Variants in TMEM165 observed in about 807,000 individuals in gnomAD.
TMEM165 encodes transmembrane protein 165.
In TMEM165, 19 loss-of-function variants were observed where a neutral mutation model predicts 30.0. The ratio of observed to expected loss-of-function variants is 0.63; its 90% CI spans 0.44 to 0.93. The LOEUF (loss-of-function observed/expected upper bound fraction) is 0.93, where lower values mean the gene tolerates loss of function less well. Among genes scored for constraint, TMEM165 ranks in the 40% least tolerant of loss-of-function variants. The pLI is 0.00. For synonymous variants in TMEM165, 168 were observed against 162.9 expected, an observed-to-expected ratio of 1.03 and a Z score of -0.24; for missense variants, 340 against 417.0, an observed-to-expected ratio of 0.82 and a Z score of 1.61.
intron 1 of TMEM165, chr4:55,403,342 T>A (rs1452563389): frequency 2.4e-6 from 3 of 1,257,844 alleles, no homozygotes; most frequent in Admixed American, 2.4e-5. Context: ...GATGCAGGTA[T>A]CTGTATCAAT....
intron 3 of TMEM165, among the ~76,000 whole-genome samples, chr4:55,445,471 G>A (rs1033652168): frequency 6.6e-6 from 1 of 152,006 alleles, no homozygotes; most frequent in African/African-American, 2.4e-5. Flanking sequence ...TGGCATGGGG[G>A]AAGAGGAGGT....
intron 3 of TMEM165, among the ~76,000 whole-genome samples, chr4:55,447,051 T>G: frequency 6.6e-6 from 1 of 152,254 alleles, no homozygotes; most frequent in East Asian, 1.9e-4. Context: ...TTTTTTTGTT[T>G]TTTTTTAAAT....
At chr4:55,442,779 A>G in intron 3 of TMEM165, 1 of 757,032 alleles carries the variant, frequency 1.3e-6, no homozygotes, top group Non-Finnish European at 2.2e-6. Context: ...ATATAACCAC[A>G]AAGGAATGAC....
chr4:55,430,879 T>G (rs1056390357), downstream of TMEM165: 1 of 152,186 alleles, frequency 6.6e-6, no homozygotes, highest in Non-Finnish European at 1.5e-5. Context: ...TAAATCAAAC[T>G]AGGCATCTAC....
intron 1 of TMEM165, among the ~76,000 whole-genome samples, chr4:55,403,496 T>C (rs1560388040): frequency 1.4e-5 from 2 of 144,940 alleles, no homozygotes; most frequent in African/African-American, 5.2e-5. Context: ...CTTTTTCTTT[T>C]TCTTTTTTTT....
intron 2 of TMEM165, 136 bp downstream of exon 2, chr4:55,411,975 C>G (rs1721521355): frequency 2.9e-6 from 2 of 700,140 alleles, no homozygotes; most frequent in African/African-American, 3.6e-5. Flanking sequence ...CAACCTTTTC[C>G]TTGTGTATCC....
intron 3 of TMEM165, chr4:55,435,206 CCCTATGATCA>C: frequency 1.7e-6 from 1 of 598,460 alleles, no homozygotes; most frequent in East Asian, 2.9e-5. Context: ...CTGGCTATGC[CCCTATGATCA>C]CCTCCTGCTG....
In TMEM165 at chr4:55,410,602, G is replaced by A. The variant is rs144360489; in HGVS notation, c.208-1012G>A. On this transcript the variant is annotated intron_variant, in intron 1 of 5. Coordinates refer to ENST00000381334, the MANE Select transcript of TMEM165 (RefSeq NM_018475.5). The stretch of plus-strand genomic sequence containing the variant: ...TTCTAAGATATTTTTAGACTTCAGC[G>A]TAGGACGATCTGTGTTAACAGCTGT... Among the ~76,000 whole-genome samples the A allele has an allele frequency of 2.8e-3, 431 of 152,252 alleles. 2 individuals are homozygous for A. Among genetic ancestry groups the A allele is most frequent in the African/African-American group, 0.01 (421 of 41,554 alleles).
chr4:55,412,158 G>T, intron 2 of TMEM165: 1 of 369,948 alleles, frequency 2.7e-6, no homozygotes, highest in African/African-American at 2.1e-5. Context: ...ACTTTGGGAG[G>T]CCGAAGTGGA....
chr4:55,439,530 A>G (rs900480361), intron 3 of TMEM165, among the ~76,000 whole-genome samples: 1 of 152,182 alleles, frequency 6.6e-6, no homozygotes, highest in African/African-American at 2.4e-5. Flanking sequence ...CCCCAAAATG[A>G]AAGCAGGGAC....
intron 3 of TMEM165, among the ~76,000 whole-genome samples, chr4:55,440,042 A>C (rs779969674): frequency 6.6e-6 from 1 of 152,118 alleles, no homozygotes; most frequent in East Asian, 1.9e-4. Flanking sequence ...ATAAAAAAAA[A>C]CCTTTTTCTT....
exon 4 of TMEM165, chr4:55,452,833 G>A (rs559392038): frequency 1.0e-4 from 43 of 424,530 alleles, no homozygotes; most frequent in Admixed American, 1.5e-4. Flanking sequence ...GGAATAAATG[G>A]TAGTTTTGAG....
At chr4:55,436,004 A>G (rs1722850196) in intron 3 of TMEM165, among the ~76,000 whole-genome samples, 1 of 152,214 alleles carries the variant, frequency 6.6e-6, no homozygotes, top group Admixed American at 6.5e-5. Context: ...TCAGCTGGTT[A>G]GAGCGGCACA....
At chr4:55,433,775 C>T (rs1722674140) in intron 3 of TMEM165, 1 of 152,084 alleles carries the variant, frequency 6.6e-6, no homozygotes, top group Non-Finnish European at 1.5e-5. Flanking sequence ...GAATTTATTA[C>T]TTTTAGAATA....
chr4:55,448,911 C>T (rs1314551491), intron 3 of TMEM165: 4 of 1,377,222 alleles, frequency 2.9e-6, no homozygotes, highest in East Asian at 2.3e-5. Context: ...TTCTCATTCC[C>T]ATACATGAGT....
At chr4:55,414,911 A>G (rs1298641525) in intron 2 of TMEM165, among the ~76,000 whole-genome samples, 1 of 152,138 alleles carries the variant, frequency 6.6e-6, no homozygotes, top group African/African-American at 2.4e-5. Flanking sequence ...AGAATGTCTC[A>G]TCTGGAAGCA....
downstream of TMEM165, chr4:55,427,860 C>T (rs376940836): frequency 6.6e-6 from 1 of 152,138 alleles, no homozygotes; most frequent in Non-Finnish European, 1.5e-5. Flanking sequence ...AAAATCGCTA[C>T]TGCAATAGGC....
At chr4:55,424,665 TC>T (rs1192121815) in intron 5 of TMEM165, 22 bp downstream of exon 5, 9 of 1,421,028 alleles carry the variant, frequency 6.3e-6, no homozygotes, top group Non-Finnish European at 8.0e-6. Context: ...AAATTACAAA[TC>T]AGATAACATT....
At chr4:55,441,047 C>A (rs1522106) in intron 3 of TMEM165, among the ~76,000 whole-genome samples, 109,186 of 152,028 alleles carry the variant, frequency 0.72, 39,789 homozygotes, top group African/African-American at 0.83. Flanking sequence ...TATTCATCAC[C>A]CCAAACAATA....
Sources: gnomAD v4.1 joint callset for allele counts (sites outside exome capture counted in the v4.1 genomes callset) on GRCh38, gnomAD v4.1.1 for gene constraint, MANE v1.5 for transcripts, NCBI Gene and HGNC (gene_info 2026-07-23, HGNC 2026-07-21) for gene names.